Variants in SRRT observed in about 807,000 individuals in gnomAD.
The protein encoded by SRRT is serrate RNA effector molecule homolog.
Under a neutral mutation model 103.2 loss-of-function variants are expected in SRRT, and 32 were observed. The observed-to-expected ratio is 0.31, with a 90% confidence interval of 0.23 to 0.42. The LOEUF (loss-of-function observed/expected upper bound fraction) is 0.42, where lower values mean the gene tolerates loss of function less well. SRRT is among the 10% of genes least tolerant of loss of function. The pLI, the probability that SRRT is intolerant of heterozygous loss-of-function variation, is 1.00. For missense variants in SRRT, 986 were observed against 1,207.5 expected, an observed-to-expected ratio of 0.82 and a Z score of 2.72; for synonymous variants, 525 against 449.0, an observed-to-expected ratio of 1.17 and a Z score of -2.14.
chr7:100,883,964 T>G (rs1352906879), intron 5 of SRRT, 106 bp from the exon 6 acceptor site: 156 of 1,274,302 alleles, frequency 1.2e-4, no homozygotes, highest in Non-Finnish European at 1.6e-4. Flanking sequence ...CTTTTGTGGT[T>G]GTGAGAGGAA....
intron 5 of SRRT, among the ~76,000 whole-genome samples, chr7:100,883,687 C>G (rs980234903): frequency 2.0e-5 from 3 of 152,190 alleles, no homozygotes; most frequent in Non-Finnish European, 2.9e-5. Context: ...GAGGGAGGTT[C>G]TTCAGGGCCT....
chr7:100,881,091 TA>T (rs1256471294), intron 2 of SRRT, among the ~76,000 whole-genome samples, 193 bp from the exon 3 acceptor site: 1 of 150,074 alleles, frequency 6.7e-6, no homozygotes, highest in African/African-American at 2.5e-5. Context: ...TATCTTTAAT[TA>T]TTGTTACCTT....
rs1308870117 is a variant in SRRT, at chr7:100,887,763, A to T, written c.2230A>T (p.Lys744Ter). 1 of 1,613,394 alleles carries T rather than the reference A, an allele frequency of 6.2e-7. No homozygotes were observed. Among genetic ancestry groups the T allele is most frequent in the East Asian group, 2.2e-5 (1 of 44,860 alleles). The change falls in exon 17 of 20, where the codon AAA becomes TAA. Residue 744 changes from lysine (K) to a stop codon, truncating the protein, a stop_gained. Transcript: ENST00000611405. LOFTEE classifies it high-confidence loss of function. The surrounding 1 kb of genome is among the most constrained non-coding windows in gnomAD (Gnocchi z 4.1). ...NKHAEKIEEVKKEVAFFNNFL... is the reference protein window; with the variant it reads ...NKHAEKIEEV ...GCATGCAGAGAAAATTGAGGAAGTG[A>T]AAAAGGAAGTCGCGTTTTTTAACAA...
Position 100,887,233 on chromosome 7 carries a change from C to A in SRRT, c.1975+33C>A. On this transcript the variant is annotated intron_variant, in intron 15 of 19. Coordinates refer to ENST00000611405, the MANE Select transcript of SRRT (RefSeq NM_015908.6). This position sits in a 1 kb window ranked among gnomAD's most constrained non-coding sequence, Gnocchi z 4.1. ...CCAGGTTCCCCTTTGTTCCCGGCTG[C>A]CCCTGGCCTTGGTCCTCCAGCCCCT... The A allele has an allele frequency of 1.9e-6, 3 of 1,613,304 alleles. No homozygotes were observed. Among genetic ancestry groups the A allele is most frequent in the Non-Finnish European group, 2.5e-6 (3 of 1,179,416 alleles).
chr7:100,888,238 A>C lies in SRRT; in HGVS notation c.2429-19A>C. On this transcript the variant is annotated intron_variant, in intron 18 of 19. Transcript: ENST00000611405. ...ATTGAGGACATAGTTTTGCAACTCA[A>C]CACTGATCTCTGTCATAGCTGGTGC... The C allele has an allele frequency of 1.2e-6, 2 of 1,605,590 alleles. No homozygotes were observed. The highest frequency in any genetic ancestry group is 8.5e-7 in the Non-Finnish European group (1 of 1,174,264).
Position 100,887,836 on chromosome 7 carries a change from C to G in SRRT, c.2303C>G (p.Ala768Gly). The G allele has an allele frequency of 6.2e-7, 1 of 1,606,904 alleles. No homozygotes were observed. The highest frequency in any genetic ancestry group is 1.1e-5 in the South Asian group (1 of 90,966). Residue 768 changes from alanine to glycine, a missense_variant, in exon 17 of 20, where the codon GCC becomes GGC. Ala to Gly is a moderately conservative substitution (Grantham distance 60). This residue lies in a region of SRRT where 178 missense variants were observed against 189.6 expected (regional missense o/e 0.94). Coordinates refer to ENST00000611405, the MANE Select transcript of SRRT (RefSeq NM_015908.6). This position sits in a 1 kb window ranked among gnomAD's most constrained non-coding sequence, Gnocchi z 4.1. ...KRPALPEIKP[A>G]QPPGPAQILP... ...CCAGCTCTGCCTGAGATCAAGCCAG[C>G]CCAGCCACCTGGCCCCGCCCAGAGT...
At position 100,885,058 on chromosome 7, in the gene SRRT, C is replaced by T. The variant is rs1251924662; in HGVS notation, c.1159+18C>T. Reference sequence around the variant, plus strand: ...GGAGGCCGGTAGGGTTTCTTTTCTGCTTTAAAGTGCGTTCTCCTAATGCGG... The same window carrying T: ...GGAGGCCGGTAGGGTTTCTTTTCTGTTTTAAAGTGCGTTCTCCTAATGCGG... On this transcript the variant is annotated intron_variant, in intron 9 of 19. Transcript: ENST00000611405. This position sits in a 1 kb window ranked among gnomAD's most constrained non-coding sequence, Gnocchi z 4.8. 1.2e-6 allele frequency: 2 copies of T among 1,613,412 alleles called. No individual in the cohort carries two copies. Among genetic ancestry groups the T allele is most frequent in the Non-Finnish European group, 1.7e-6 (2 of 1,179,926 alleles).
rs75988481 is a variant in SRRT, at chr7:100,883,952, A to G, written c.588-118A>G. The G allele has an allele frequency of 3.7e-3, 4,170 of 1,135,740 alleles. 107 individuals carry two copies. The African/African-American group carries it at 0.06, about 16-fold the overall frequency. The allele number at this position is 1,135,740 out of a possible 1,614,324, so 70.4% of individuals were successfully genotyped here. ...ATCCCTTAATCTCTCTATTTTGATG[A>G]CCTTTTGTGGTTGTGAGAGGAAGGG... On this transcript the variant is annotated intron_variant, in intron 5 of 19. Transcript: ENST00000611405.
chr7:100,887,859 A>T lies in SRRT; in HGVS notation c.2326A>T (p.Ile776Leu). 1 of 1,599,596 alleles carries T rather than the reference A, an allele frequency of 6.3e-7. No homozygotes were observed. The highest frequency in any genetic ancestry group is 8.6e-7 in the Non-Finnish European group (1 of 1,168,206). Residue 776 changes from isoleucine to leucine, a missense_variant and splice_region_variant, in exon 17 of 20, where the codon ATA becomes TTA. By Grantham distance (5) the Ile-to-Leu change is conservative. Coordinates refer to ENST00000611405, the MANE Select transcript of SRRT (RefSeq NM_015908.6). The surrounding 1 kb of genome is among the most constrained non-coding windows in gnomAD (Gnocchi z 4.1). The part of the protein sequence containing the change: ...KPAQPPGPAQ[I>L]LPPGLTPGLP... ...AGCCCAGCCACCTGGCCCCGCCCAGAGTAAGATACGATCCATGAAGGTCGC... is the reference window on the plus strand; with the variant it reads ...AGCCCAGCCACCTGGCCCCGCCCAGTGTAAGATACGATCCATGAAGGTCGC...
Position 100,887,702 on chromosome 7 carries a change from G to A in SRRT, c.2170-1G>A. On this transcript the variant is annotated splice_acceptor_variant, in intron 16 of 19. Coordinates refer to ENST00000611405, the MANE Select transcript of SRRT (RefSeq NM_015908.6). LOFTEE classifies it high-confidence loss of function. This position sits in a 1 kb window ranked among gnomAD's most constrained non-coding sequence, Gnocchi z 4.1. Reference sequence around the variant, plus strand: ...CTGACCCCTCTCCTCTCTCCACCCAGGGTCCTGAGTTTGTGCGCAAACATA... The same window carrying A: ...CTGACCCCTCTCCTCTCTCCACCCAAGGTCCTGAGTTTGTGCGCAAACATA... The A allele has an allele frequency of 1.2e-6, 2 of 1,605,884 alleles. No homozygotes were observed. Among genetic ancestry groups the A allele is most frequent in the Non-Finnish European group, 1.7e-6 (2 of 1,172,998 alleles).
In SRRT at chr7:100,882,868, G is replaced by A. The variant is rs1365343103; in HGVS notation, c.587+627G>A. On this transcript the variant is annotated intron_variant, in intron 5 of 19. Coordinates refer to ENST00000611405, the MANE Select transcript of SRRT (RefSeq NM_015908.6). This position sits in a 1 kb window ranked among gnomAD's most constrained non-coding sequence, Gnocchi z 4.2. ...TACATGAGCCCCTGGGCTGAGCTGC[G>A]CGGCCCCGGCCAGGCAGACAGGCCA... is the stretch of plus-strand genomic sequence containing the variant. 4 of 151,460 alleles carry A rather than the reference G, an allele frequency of 2.6e-5. No individual in the cohort carries two copies. Among genetic ancestry groups the A allele is most frequent in the East Asian group, 2.0e-4 (1 of 5,080 alleles). The allele number at this position is 151,460 out of a possible 1,614,324, so 9.4% of individuals were successfully genotyped here.
chr7:100,880,629 G>A, intron 2 of SRRT: 1 of 366,692 alleles, frequency 2.7e-6, no homozygotes, highest in South Asian at 2.0e-5. Flanking sequence ...CTGACAGGCT[G>A]AATTTGAGGG....
In SRRT at chr7:100,885,870, C is replaced by A. The variant is rs755529934; in HGVS notation, c.1387C>A (p.Arg463Ser). 6.2e-7 allele frequency: 1 copy of A among 1,613,932 alleles called. No homozygotes were observed. Among genetic ancestry groups the A allele is most frequent in the Admixed American group, 1.7e-5 (1 of 59,970 alleles). The change falls in exon 12 of 20, where the codon CGT (arginine) becomes AGT (serine). Residue 463 changes from arginine (R) to serine (S), a missense_variant. Coordinates refer to ENST00000611405, the MANE Select transcript of SRRT (RefSeq NM_015908.6). The surrounding 1 kb of genome is among the most constrained non-coding windows in gnomAD (Gnocchi z 4.8). ...SEPQPERRFF[R>S]RGWVTFDRSV... ...ATTTTCTTTCTTGTGTAGGTTTTTC[C>A]GTCGTGGCTGGGTGACCTTCGACCG...
At chr7:100,879,578 T>C (rs1419485233) in intron 2 of SRRT, among the ~76,000 whole-genome samples, 1 of 152,232 alleles carries the variant, frequency 6.6e-6, no homozygotes, top group Non-Finnish European at 1.5e-5. Context: ...TTCATCTTAC[T>C]GTGTAATTTA....
At position 100,887,717 on chromosome 7, in the gene SRRT, G is replaced by C. The variant is rs781595592; in HGVS notation, c.2184G>C (p.Val728=). Residue 728 remains valine (V), a synonymous_variant, in exon 17 of 20, where the codon GTG becomes GTC. Coordinates refer to ENST00000611405, the MANE Select transcript of SRRT (RefSeq NM_015908.6). The surrounding 1 kb of genome is among the most constrained non-coding windows in gnomAD (Gnocchi z 4.1). ...TCTCCACCCAGGGTCCTGAGTTTGT[G>C]CGCAAACATATCTTCAACAAGCATG... ...SGKKFKGPEF[V]RKHIFNKHAE... 1.2e-6 allele frequency: 2 copies of C among 1,610,810 alleles called. No individual in the cohort carries two copies. The highest frequency in any genetic ancestry group is 1.7e-6 in the Non-Finnish European group (2 of 1,177,258).
chr7:100,885,526 C>T lies in SRRT; in HGVS notation c.1317+156C>T, dbSNP rs764098858. On this transcript the variant is annotated intron_variant, in intron 10 of 19. Transcript: ENST00000611405. The surrounding 1 kb of genome is among the most constrained non-coding windows in gnomAD (Gnocchi z 4.8). ...GGCCTCCGAGGACTAGTCCTGATAG[C>T]GCCATTGGCTTTCAGGTGCTGGTGT... 46 of 1,074,908 alleles carry T rather than the reference C, an allele frequency of 4.3e-5. No individual in the cohort carries two copies. Among genetic ancestry groups the T allele is most frequent in the Middle Eastern group, 3.0e-4 (1 of 3,290 alleles). 66.6% of individuals were successfully genotyped at this position (1,074,908 alleles called of 1,614,324 possible).
chr7:100,878,566 C>T (rs1311899340), intron 2 of SRRT, among the ~76,000 whole-genome samples: 1 of 152,198 alleles, frequency 6.6e-6, no homozygotes, highest in Non-Finnish European at 1.5e-5. Context: ...CTACTTCCTT[C>T]TTGGACAAGG....
At chr7:100,886,662 C>A in intron 13 of SRRT, 133 bp from the exon 14 acceptor site, 1 of 1,114,206 alleles carries the variant, frequency 9.0e-7, no homozygotes, top group Middle Eastern at 2.2e-4. Context: ...AAAGACAAAT[C>A]TCAAGGGGGC....
chr7:100,881,975 G>T, intron 4 of SRRT, 78 bp from the exon 5 acceptor site: 1 of 1,527,962 alleles, frequency 6.5e-7, no homozygotes, highest in Non-Finnish European at 8.8e-7. Flanking sequence ...CAAAGTAAAG[G>T]GGCCCCAGCT....
Sources: allele counts gnomAD v4.1 joint callset (sites outside exome capture counted in the v4.1 genomes callset), GRCh38; gene constraint gnomAD v4.1.1; regional missense constraint gnomAD v4.1.1; non-coding constraint Gnocchi (gnomAD v3.1); transcripts MANE v1.5; gene names NCBI Gene and HGNC (gene_info 2026-07-23, HGNC 2026-07-21).